The following RABGEF1 variants were observed in gnomAD, a reference collection of about 807,000 sequenced individuals.
The protein encoded by RABGEF1 is rab5 GDP/GTP exchange factor.
A neutral mutation model predicts 57.3 loss-of-function variants in RABGEF1; 26 were observed. The observed-to-expected ratio is 0.45, with a 90% CI of 0.33 to 0.63. RABGEF1 has a LOEUF of 0.63. RABGEF1 is among the 20% of genes least tolerant of loss of function. The probability of loss-of-function intolerance (pLI) is 0.02; values close to 1 mark genes in which losing one functional copy is unlikely to be tolerated. For synonymous variants in RABGEF1, 185 were observed against 210.7 expected, an observed-to-expected ratio of 0.88 and a Z score of 1.06; for missense variants, 464 against 607.6, an observed-to-expected ratio of 0.76 and a Z score of 2.48.
intron 4 of RABGEF1, among the ~76,000 whole-genome samples, chr7:66,787,831 T>TA (rs763644719): frequency 2.0e-4 from 30 of 152,232 alleles, no homozygotes; most frequent in Non-Finnish European, 4.1e-4. Flanking sequence ...ACCTTTCCCA[T>TA]AATAACTAGA....
intron 1 of RABGEF1, among the ~76,000 whole-genome samples, chr7:66,683,135 G>A (rs1790042059): frequency 6.6e-6 from 1 of 152,138 alleles, no homozygotes; most frequent in South Asian, 2.1e-4. Context: ...ATCTAAAACT[G>A]CTTTGTTTTT....
rs538900232 is a variant in RABGEF1, at chr7:66,693,955, G to A, written c.-873+11697G>A. Reference sequence around the variant, plus strand: ...CCAGAGTAGTTGGGATTACAAGAACGTTCCACTACGTTTGGTTAATTTTTT... The same window carrying A: ...CCAGAGTAGTTGGGATTACAAGAACATTCCACTACGTTTGGTTAATTTTTT... On this transcript the variant is annotated intron_variant and NMD_transcript_variant, in intron 1 of 9. Coordinates refer to the RABGEF1 transcript ENST00000607882. Among the ~76,000 whole-genome samples, 276 of 152,138 alleles carry A rather than the reference G, an allele frequency of 1.8e-3. 1 individual carries two copies. Among genetic ancestry groups the A allele is most frequent in the Non-Finnish European group, 2.7e-3 (181 of 67,986 alleles).
At chr7:66,796,749 C>T (rs1413644872) in intron 5 of RABGEF1, 1 of 321,830 alleles carries the variant, frequency 3.1e-6, no homozygotes, top group South Asian at 2.3e-5. Flanking sequence ...TGCCACCACA[C>T]CCAGCTAATT....
chr7:66,694,755 A>C (rs1363228793), intron 1 of RABGEF1, among the ~76,000 whole-genome samples: 3 of 142,940 alleles, frequency 2.1e-5, no homozygotes, highest in Non-Finnish European at 3.0e-5. Context: ...GGTGGAGGGG[A>C]GGGGGAGGGC....
chr7:66,686,890 C>T (rs1407040554), intron 1 of RABGEF1, among the ~76,000 whole-genome samples: 14 of 150,968 alleles, frequency 9.3e-5, no homozygotes, highest in Admixed American at 1.3e-4. Context: ...GGCGCGATCT[C>T]GGCTCACTGC....
At chr7:66,658,756 GAC>G in the RABGEF1 span, among the ~76,000 whole-genome samples, 1 of 151,984 alleles carries the variant, frequency 6.6e-6, no homozygotes, top group East Asian at 1.9e-4. Flanking sequence ...TTTGTTTTGA[GAC>G]AGAGTCTCGC....
intron 1 of RABGEF1, among the ~76,000 whole-genome samples, chr7:66,765,084 G>T (rs1472513112): frequency 1.3e-5 from 2 of 151,640 alleles, no homozygotes; most frequent in African/African-American, 4.8e-5. Flanking sequence ...ATAATCACAG[G>T]TGTAGCACCA....
At position 66,702,189 on chromosome 7, in the gene RABGEF1, A is replaced by G. The variant is rs76204945; in HGVS notation, c.-872-9978A>G. Among the ~76,000 whole-genome samples the G allele has an allele frequency of 6.5e-3, 988 of 152,254 alleles. 15 individuals carry two copies. The highest frequency in any genetic ancestry group is 0.022 in the African/African-American group (923 of 41,544). On this transcript the variant is annotated intron_variant and NMD_transcript_variant, in intron 1 of 9. Transcript: ENST00000607882. ...GTGTTTAGCTTTTTTCACTTGGCAT[A>G]ATGTTTTCAAGGTTCATGCACTTTG...
chr7:66,664,842 G>A, the RABGEF1 span, among the ~76,000 whole-genome samples: 107 of 152,224 alleles, frequency 7.0e-4, no homozygotes, highest in Non-Finnish European at 1.2e-3. Flanking sequence ...TGACCTCTTC[G>A]GGGTGCCTCC....
intron 1 of RABGEF1, among the ~76,000 whole-genome samples, chr7:66,691,665 A>C (rs573909018): frequency 5.4e-4 from 82 of 152,156 alleles, no homozygotes; most frequent in Non-Finnish European, 9.4e-4. Context: ...AATAAATTAC[A>C]TGAGAAATTC....
chr7:66,668,550 G>C, the RABGEF1 span, among the ~76,000 whole-genome samples: 1 of 152,206 alleles, frequency 6.6e-6, no homozygotes, highest in African/African-American at 2.4e-5. Flanking sequence ...TCTGGAGAGG[G>C]GGGGATTGGC....
chr7:66,662,444 C>A, the RABGEF1 span, among the ~76,000 whole-genome samples: 2 of 152,156 alleles, frequency 1.3e-5, no homozygotes, highest in Non-Finnish European at 2.9e-5. Flanking sequence ...CTCCCTGTTC[C>A]CCTCATTTGG....
chr7:66,743,058 CCAGCA>C (rs2129050359), intron 1 of RABGEF1, among the ~76,000 whole-genome samples: 1 of 152,220 alleles, frequency 6.6e-6, no homozygotes, highest in South Asian at 2.1e-4. Flanking sequence ...GCCTGTAATC[CCAGCA>C]CTTTGGGAGG....
At chr7:66,724,289 C>T (rs1796357703) in intron 2 of RABGEF1, among the ~76,000 whole-genome samples, 3 of 151,812 alleles carry the variant, frequency 2.0e-5, no homozygotes, top group Admixed American at 2.0e-4. Context: ...AGATTTTTCT[C>T]TTTATTTTTG....
intron 2 of RABGEF1, 59 bp from the exon 3 acceptor site, chr7:66,775,168 C>G (rs1374617487): frequency 1.3e-6 from 2 of 1,528,908 alleles, no homozygotes; most frequent in Non-Finnish European, 1.8e-6. Flanking sequence ...TAATAACCTT[C>G]ACATACAGAG....
At chr7:66,790,880 G>A (rs557984510) in intron 4 of RABGEF1, among the ~76,000 whole-genome samples, 4 of 152,280 alleles carry the variant, frequency 2.6e-5, no homozygotes, top group South Asian at 4.1e-4. Context: ...CATGAATCAC[G>A]CTGTATCTGC....
chr7:66,770,548 A>T (rs1252330034), intron 1 of RABGEF1: 1 of 152,242 alleles, frequency 6.6e-6, no homozygotes, highest in African/African-American at 2.4e-5. Context: ...CAGTGGTGTG[A>T]TCATACCTCA....
At chr7:66,723,530 C>G (rs1307797567) in intron 2 of RABGEF1, among the ~76,000 whole-genome samples, 2 of 152,098 alleles carry the variant, frequency 1.3e-5, no homozygotes, top group Admixed American at 6.6e-5. Flanking sequence ...GTTATAAACC[C>G]CACAATACAC....
chr7:66,719,024 C>T (rs777374661), intron 2 of RABGEF1, among the ~76,000 whole-genome samples: 6 of 152,248 alleles, frequency 3.9e-5, no homozygotes, highest in Non-Finnish European at 8.8e-5. Flanking sequence ...ACAGGAATCC[C>T]TCCAGCACTC....
Sources: allele counts gnomAD v4.1 joint callset (sites outside exome capture counted in the v4.1 genomes callset), GRCh38; gene constraint gnomAD v4.1.1; transcripts MANE v1.5; gene names NCBI Gene and HGNC (gene_info 2026-07-23, HGNC 2026-07-21).